Variants in LRP2 observed in about 807,000 individuals in gnomAD.
LRP2 encodes the protein low-density lipoprotein receptor-related protein 2.
A neutral mutation model predicts 531.0 loss-of-function variants in LRP2; 172 were observed. That is an observed-to-expected ratio of 0.32 (90% CI 0.29 to 0.37). The LOEUF is 0.37. Ranked by LOEUF, LRP2 falls within the 10% of genes least tolerant of loss-of-function variation. LRP2 has a pLI of 1.00. For synonymous variants in LRP2, 1,992 were observed against 2,027.6 expected, an observed-to-expected ratio of 0.98 and a Z score of 0.47; for missense variants, 5,167 against 5,868.3, an observed-to-expected ratio of 0.88 and a Z score of 3.90.
chr2:169,237,254 T>C lies in LRP2; in HGVS notation c.4540A>G (p.Ile1514Val), dbSNP rs749216803. ...TTACGACCTACCCAATCTATTGCAA[T>C]AGTTTCAGTCAAGATGATGCTACTG... ...FDSSIILTET[I>V]AIDWVGRNLY... The change falls in exon 28 of 79, where the codon ATT becomes GTT. Residue 1514 changes from isoleucine (I) to valine (V), a missense_variant. Ile to Val is a conservative substitution (Grantham distance 29). This residue lies in a region of LRP2 where 2,811 missense variants were observed against 3,058.0 expected (regional missense o/e 0.92). Coordinates refer to ENST00000649046, the MANE Select transcript of LRP2 (RefSeq NM_004525.3). 15 of 1,613,648 alleles carry C rather than the reference T, an allele frequency of 9.3e-6. No individual in the cohort carries two copies. In the African/African-American group the frequency reaches 1.7e-4, roughly 19 times the overall value.
chr2:169,216,861 C>T (rs578024683), intron 34 of LRP2, among the ~76,000 whole-genome samples: 6 of 152,264 alleles, frequency 3.9e-5, no homozygotes, highest in Non-Finnish European at 7.4e-5. Context: ...CCCAAATCAC[C>T]ATCTACCACA....
At chr2:169,338,153 A>G (rs79811865) in intron 1 of LRP2, among the ~76,000 whole-genome samples, 2,345 of 150,484 alleles carry the variant, frequency 0.016, 60 homozygotes, top group African/African-American at 0.055. Flanking sequence ...GGAAGGAGGA[A>G]GAGAGGGAGT....
intron 3 of LRP2, among the ~76,000 whole-genome samples, chr2:169,314,619 G>A (rs1684710398): frequency 6.6e-6 from 1 of 152,004 alleles, no homozygotes; most frequent in African/African-American, 2.4e-5. Flanking sequence ...TTAGCAAAAT[G>A]GTGTCTTATA....
Position 169,294,274 on chromosome 2 carries a change from G to C in LRP2, c.539-13C>G. 6.8e-7 allele frequency: 1 copy of C among 1,460,528 alleles called. No individual in the cohort carries two copies. Among genetic ancestry groups the C allele is most frequent in the Non-Finnish European group, 9.6e-7 (1 of 1,039,826 alleles). The allele number at this position is 1,460,528 out of a possible 1,614,324, so 90.5% of individuals were successfully genotyped here. ...AAGCATATCTCAGCTGCAACAGAAAGTTAAGAAGGGAAAGAAAAGAGAGAA... is the reference window on the plus strand; with the variant it reads ...AAGCATATCTCAGCTGCAACAGAAACTTAAGAAGGGAAAGAAAAGAGAGAA... On this transcript the variant is annotated splice_polypyrimidine_tract_variant and intron_variant, in intron 5 of 78. Coordinates refer to ENST00000649046, the MANE Select transcript of LRP2 (RefSeq NM_004525.3).
intron 9 of LRP2, among the ~76,000 whole-genome samples, chr2:169,285,975 T>C (rs1164314226): frequency 6.6e-6 from 1 of 152,340 alleles, no homozygotes; most frequent in African/African-American, 2.4e-5. Flanking sequence ...CAGAGGGTTA[T>C]AGCCATACAG....
At chr2:169,209,930 A>G (rs916091210) in intron 37 of LRP2, among the ~76,000 whole-genome samples, 1 of 152,190 alleles carries the variant, frequency 6.6e-6, no homozygotes, top group Non-Finnish European at 1.5e-5. Flanking sequence ...CAAGGCATAC[A>G]CAGAAATATA....
intron 1 of LRP2, among the ~76,000 whole-genome samples, chr2:169,332,891 A>C (rs979801945): frequency 3.9e-5 from 6 of 152,076 alleles, no homozygotes; most frequent in Non-Finnish European, 8.8e-5. Flanking sequence ...CAAACACTAA[A>C]CTTTATTCAC....
intron 48 of LRP2, among the ~76,000 whole-genome samples, chr2:169,189,535 T>C (rs375246898): frequency 1.4e-4 from 22 of 152,306 alleles, no homozygotes; most frequent in African/African-American, 4.8e-4. Flanking sequence ...TTTCAGACAC[T>C]ATTGCAAGTC....
Position 169,212,018 on chromosome 2 carries a change from C to A in LRP2, c.6230G>T (p.Ser2077Ile). The A allele has an allele frequency of 6.2e-7, 1 of 1,613,986 alleles. No individual in the cohort carries two copies. The highest frequency in any genetic ancestry group is 8.5e-7 in the Non-Finnish European group (1 of 1,179,900). Residue 2077 changes from serine to isoleucine, a missense_variant, in exon 37 of 79, where the codon AGC becomes ATC. By Grantham distance (142) the Ser-to-Ile change is moderately radical. This residue lies in a region of LRP2 where 2,811 missense variants were observed against 3,058.0 expected (regional missense o/e 0.92). Transcript: ENST00000649046. ...TTCTGAATGATCTGACAATTCCAAG[C>A]TAAAGCCTCTGATTGCAGACAGCAT... ...VSMLSAIRGF[S>I]LELSDHSETM...
chr2:169,217,131 T>C (rs1301318963), intron 34 of LRP2, among the ~76,000 whole-genome samples: 1 of 152,146 alleles, frequency 6.6e-6, no homozygotes, highest in Non-Finnish European at 1.5e-5. Context: ...TTAAGGGCTG[T>C]TTTCCATTTC....
intron 1 of LRP2, among the ~76,000 whole-genome samples, chr2:169,324,689 G>C (rs993974839): frequency 1.3e-5 from 2 of 151,928 alleles, no homozygotes; most frequent in African/African-American, 2.4e-5. Context: ...AAGCTTCCTG[G>C]GTAAGTGTTG....
chr2:169,189,732 T>A (rs1259416437), intron 48 of LRP2, among the ~76,000 whole-genome samples: 1 of 152,190 alleles, frequency 6.6e-6, no homozygotes, highest in Non-Finnish European at 1.5e-5. Context: ...GCACACCTAG[T>A]AGAGGCTACT....
intron 27 of LRP2, 78 bp from the exon 28 acceptor site, chr2:169,237,365 G>A (rs1428120650): frequency 4.3e-6 from 5 of 1,165,542 alleles, no homozygotes; most frequent in Non-Finnish European, 6.3e-6. Flanking sequence ...TAAAAATCTA[G>A]ATTAAACCAT....
chr2:169,254,677 T>G (rs1203219355), intron 19 of LRP2, among the ~76,000 whole-genome samples: 2 of 121,486 alleles, frequency 1.6e-5, no homozygotes, highest in Admixed American at 8.9e-5. Context: ...TTGAAAGAAA[T>G]AAATAATTAT....
Position 169,185,967 on chromosome 2 carries a change from T to C in LRP2, c.9381A>G (p.Thr3127=), listed in dbSNP as rs1472002911. ...AACAATAGAAACTGGTTAAGGTGTC[T>C]GTGCAGTTGTGATCGCAGCCACTGA... ...PSISGCDHNC[T]DTLTSFYCSC... Residue 3127 remains threonine (T), a synonymous_variant, in exon 50 of 79, where the codon ACA becomes ACG. Transcript: ENST00000649046. The C allele has an allele frequency of 1.2e-6, 2 of 1,614,022 alleles. No homozygotes were observed. The highest frequency in any genetic ancestry group is 1.7e-5 in the Admixed American group (1 of 60,022).
chr2:169,187,308 A>G (rs1012558695), intron 49 of LRP2, among the ~76,000 whole-genome samples: 1 of 152,218 alleles, frequency 6.6e-6, no homozygotes, highest in African/African-American at 2.4e-5. Flanking sequence ...TTCTGGGTCA[A>G]TTAGGCAAAT....
chr2:169,247,310 C>T, intron 20 of LRP2, 68 bp downstream of exon 20: 2 of 1,533,062 alleles, frequency 1.3e-6, no homozygotes, highest in South Asian at 2.3e-5. Context: ...TTAAAGAGAA[C>T]AGGAGCCACT....
chr2:169,173,152 C>T lies in LRP2; in HGVS notation c.11087G>A (p.Trp3696Ter). The change falls in exon 57 of 79, where the codon TGG becomes TAG. Residue 3696 changes from tryptophan (W) to a stop codon, truncating the protein, a stop_gained. Transcript: ENST00000649046. LOFTEE classifies it high-confidence loss of function. Reference protein sequence around the residue: ...CKTNYRCIPKWAVCNGVDDCR... With the variant: ...CKTNYRCIPK Reference sequence around the variant, plus strand: ...GTCATCTACACCATTGCACACGGCCCACTTTGGGATGCAGCGGTAATTTGT... The same window carrying T: ...GTCATCTACACCATTGCACACGGCCTACTTTGGGATGCAGCGGTAATTTGT... 6.2e-7 allele frequency: 1 copy of T among 1,614,204 alleles called. No individual in the cohort carries two copies. The highest frequency in any genetic ancestry group is 8.5e-7 in the Non-Finnish European group (1 of 1,180,038).
intron 3 of LRP2, among the ~76,000 whole-genome samples, chr2:169,315,204 C>T (rs189591858): frequency 7.9e-4 from 121 of 152,258 alleles, no homozygotes; most frequent in Non-Finnish European, 1.0e-3. Context: ...TATAATGTAC[C>T]ACACAGTATA....
Sources: allele counts gnomAD v4.1 joint callset (sites outside exome capture counted in the v4.1 genomes callset), GRCh38; gene constraint gnomAD v4.1.1; regional missense constraint gnomAD v4.1.1; transcripts MANE v1.5; gene names NCBI Gene and HGNC (gene_info 2026-07-23, HGNC 2026-07-21).